The following MSI2 variants were observed in gnomAD, a reference collection of about 807,000 sequenced individuals.
MSI2 encodes musashi RNA binding protein 2.
Under a neutral mutation model 45.6 loss-of-function variants are expected in MSI2, and 17 were observed. The observed-to-expected ratio is 0.37, with a 90% CI of 0.26 to 0.56. The LOEUF (loss-of-function observed/expected upper bound fraction) is 0.56. MSI2 is among the 20% of genes least tolerant of loss of function. MSI2 has a pLI of 0.77. For missense variants in MSI2, 293 were observed against 444.2 expected, an observed-to-expected ratio of 0.66 and a Z score of 3.06; for synonymous variants, 156 against 158.2, an observed-to-expected ratio of 0.99 and a Z score of 0.11.
At chr17:57,608,545 C>T (rs1224000368) in intron 8 of MSI2, 1 of 152,530 alleles carries the variant, frequency 6.6e-6, no homozygotes, top group Admixed American at 6.5e-5. Context: ...AGCTCTCTCT[C>T]AGCAGTGCCA....
At position 57,681,385 on chromosome 17, in the gene MSI2, T is replaced by A. The variant is rs928443730; in HGVS notation, c.*1868T>A. On this transcript the variant is annotated 3_prime_UTR_variant, in exon 14 of 14. Coordinates refer to ENST00000284073, the MANE Select transcript of MSI2 (RefSeq NM_138962.4). ...ATATTGACGTTTTATTAATATTTTT[T>A]AAATTGTTACGTTTATAAATTTGGT... 7.8e-5 allele frequency: 14 copies of A among 179,400 alleles called. No individual in the cohort carries two copies. The highest frequency in any genetic ancestry group is 1.7e-4 in the Non-Finnish European group (14 of 83,778). 11.1% of individuals were successfully genotyped at this position (179,400 alleles called of 1,614,324 possible).
intron 5 of MSI2, among the ~76,000 whole-genome samples, chr17:57,366,581 G>A (rs1903350104): frequency 6.6e-6 from 1 of 152,248 alleles, no homozygotes; most frequent in African/African-American, 2.4e-5. Context: ...CAGGGCTCAG[G>A]ACCTCACTGG....
chr17:57,512,058 T>G (rs192779652), intron 6 of MSI2, among the ~76,000 whole-genome samples: 16 of 152,320 alleles, frequency 1.1e-4, no homozygotes, highest in African/African-American at 3.8e-4. Context: ...CCCTGAGTAT[T>G]CAGAGCCCTT....
chr17:57,562,489 C>A (rs540891100), intron 7 of MSI2, among the ~76,000 whole-genome samples: 1 of 152,324 alleles, frequency 6.6e-6, no homozygotes. Flanking sequence ...TGCAGAGCTG[C>A]GTAACACAGC....
intron 13 of MSI2, among the ~76,000 whole-genome samples, chr17:57,678,674 G>T (rs1913411599): frequency 6.6e-6 from 1 of 152,214 alleles, no homozygotes; most frequent in Non-Finnish European, 1.5e-5. Context: ...CATAGGGGTG[G>T]GGTGGGGTGG....
intron 5 of MSI2, among the ~76,000 whole-genome samples, chr17:57,273,061 C>T (rs1029280473): frequency 1.1e-4 from 16 of 152,214 alleles, no homozygotes; most frequent in Non-Finnish European, 1.3e-4. Flanking sequence ...TGTCTTCTAC[C>T]TGGGGAAAAA....
At chr17:57,617,750 A>G (rs1385052961) in intron 9 of MSI2, among the ~76,000 whole-genome samples, 1 of 152,118 alleles carries the variant, frequency 6.6e-6, no homozygotes, top group Non-Finnish European at 1.5e-5. Context: ...CCTGGGCAAC[A>G]TAGCAAGACC....
At chr17:57,672,653 C>T (rs1210854566) in intron 11 of MSI2, among the ~76,000 whole-genome samples, 2 of 152,210 alleles carry the variant, frequency 1.3e-5, no homozygotes, top group East Asian at 1.9e-4. Flanking sequence ...TCTACCACTG[C>T]GCCTCCTCAT....
At chr17:57,429,414 C>T (rs527957781) in intron 6 of MSI2, among the ~76,000 whole-genome samples, 52 of 152,320 alleles carry the variant, frequency 3.4e-4, no homozygotes, top group African/African-American at 1.2e-3. Context: ...TTTGTAATGA[C>T]CATCCAGTGA....
intron 5 of MSI2, among the ~76,000 whole-genome samples, chr17:57,342,075 A>G (rs1915212244): frequency 6.6e-6 from 1 of 152,228 alleles, no homozygotes; most frequent in African/African-American, 2.4e-5. Flanking sequence ...GAATTTTTGA[A>G]GTAGATCCTA....
chr17:57,588,040 C>T (rs1315275217), intron 7 of MSI2, among the ~76,000 whole-genome samples: 1 of 151,934 alleles, frequency 6.6e-6, no homozygotes, highest in South Asian at 2.1e-4. Flanking sequence ...CTAGAGGGGA[C>T]GGAGACATGG....
intron 6 of MSI2, among the ~76,000 whole-genome samples, chr17:57,440,054 A>C (rs1227557231): frequency 6.6e-6 from 1 of 152,164 alleles, no homozygotes; most frequent in African/African-American, 2.4e-5. Flanking sequence ...GTCTCCCCAG[A>C]GTTAGCTGTT....
chr17:57,376,725 G>A (rs181356835), intron 5 of MSI2, among the ~76,000 whole-genome samples: 34 of 152,266 alleles, frequency 2.2e-4, no homozygotes, highest in East Asian at 5.8e-4. Context: ...CAGAAATAGC[G>A]TCTTCCTCTT....
chr17:57,530,616 T>C (rs2086802330), intron 7 of MSI2, among the ~76,000 whole-genome samples: 1 of 152,160 alleles, frequency 6.6e-6, no homozygotes, highest in Non-Finnish European at 1.5e-5. Context: ...GGAAATGGTG[T>C]GCTGGTGCCC....
rs189622251 is a variant in MSI2, at chr17:57,540,004, T to A, written c.454+10280T>A. 9.2e-5 allele frequency among the ~76,000 whole-genome samples: 14 copies of A among 152,264 alleles called. No homozygotes were observed. The East Asian group carries it at 2.7e-3, about 29-fold the overall frequency. On this transcript the variant is annotated intron_variant, in intron 7 of 13. Coordinates refer to ENST00000284073, the MANE Select transcript of MSI2 (RefSeq NM_138962.4). ...CCCGGTTAATGATGCTTGTGAAGTG[T>A]CTGGGCCATGTGGCAAAGGGATAAG...
At chr17:57,527,464 CG>C (rs113683784) in intron 6 of MSI2, among the ~76,000 whole-genome samples, 3 of 144,288 alleles carry the variant, frequency 2.1e-5, no homozygotes, top group Non-Finnish European at 4.7e-5. Flanking sequence ...AGGTTACCGT[CG>C]GCGGGGGCTC....
intron 7 of MSI2, among the ~76,000 whole-genome samples, chr17:57,579,034 G>A (rs972222540): frequency 1.3e-5 from 2 of 152,084 alleles, no homozygotes; most frequent in Non-Finnish European, 2.9e-5. Context: ...GCTGGGGATG[G>A]AATTATGCAT....
At chr17:57,370,843 C>T (rs999937995) in intron 5 of MSI2, among the ~76,000 whole-genome samples, 10 of 152,136 alleles carry the variant, frequency 6.6e-5, no homozygotes, top group Non-Finnish European at 1.2e-4. Flanking sequence ...ACATGAATGG[C>T]CTTATTAGAG....
intron 5 of MSI2, among the ~76,000 whole-genome samples, chr17:57,322,490 T>G (rs569052718): frequency 6.6e-6 from 1 of 150,892 alleles, no homozygotes; most frequent in South Asian, 2.1e-4. Flanking sequence ...GGGAGGGGAG[T>G]GAGAGGGCAG....
Sources: allele counts gnomAD v4.1 joint callset (sites outside exome capture counted in the v4.1 genomes callset), GRCh38; gene constraint gnomAD v4.1.1; transcripts MANE v1.5; gene names NCBI Gene and HGNC (gene_info 2026-07-23, HGNC 2026-07-21).